RPTOR: variants seen among roughly 807,000 people sequenced by gnomAD.
RPTOR encodes the protein regulatory associated protein of MTOR complex 1, also known as regulatory-associated protein of mTOR.
In RPTOR, 21 loss-of-function variants were observed where a neutral mutation model predicts 169.9. The observed-to-expected ratio is 0.12, with a 90% CI of 0.09 to 0.18. RPTOR has a LOEUF of 0.18. Ranked by LOEUF, RPTOR falls within the 10% of genes least tolerant of loss-of-function variation. RPTOR has a pLI of 1.00. For synonymous variants in RPTOR, 732 were observed against 753.2 expected (o/e 0.97, Z 0.46); for missense variants, 1,133 against 1,855.9 (o/e 0.61, Z 7.16).
At chr17:80,832,370 G>A (rs1398409261) in intron 9 of RPTOR, among the ~76,000 whole-genome samples, 2 of 152,186 alleles carry the variant, frequency 1.3e-5, no homozygotes, top group African/African-American at 4.8e-5. Flanking sequence ...CGCGAGGAGT[G>A]GACGAGGCAG....
At chr17:80,796,840 G>C (rs1193901357) in intron 7 of RPTOR, among the ~76,000 whole-genome samples, 2 of 152,220 alleles carry the variant, frequency 1.3e-5, no homozygotes, top group African/African-American at 4.8e-5. Flanking sequence ...CAGTGTGACA[G>C]AGGTTAAATT....
intron 13 of RPTOR, among the ~76,000 whole-genome samples, chr17:80,879,562 G>T (rs1036755341): frequency 6.6e-6 from 1 of 151,976 alleles, no homozygotes; most frequent in Non-Finnish European, 1.5e-5. Flanking sequence ...GCGTAAAGAG[G>T]TCTCCAAAAA....
At chr17:80,631,482 C>T (rs989525894) in intron 2 of RPTOR, among the ~76,000 whole-genome samples, 5 of 152,134 alleles carry the variant, frequency 3.3e-5, no homozygotes, top group African/African-American at 9.7e-5. Flanking sequence ...CAGACCTGCG[C>T]TCTTCAAAGA....
rs1040949338 is a variant in RPTOR, at chr17:80,651,356, C to T, written c.348+7546C>T. Among the ~76,000 whole-genome samples the T allele has an allele frequency of 3.3e-4, 50 of 152,236 alleles. No individual in the cohort carries two copies. The highest frequency in any genetic ancestry group is 3.1e-3 in the Admixed American group (47 of 15,292). ...TGGAAAGTGCTGATCAAGGGGGAAA[C>T]GATCAATAACAGATTGGAGGGGGAC... is the stretch of plus-strand genomic sequence containing the variant. On this transcript the variant is annotated intron_variant, in intron 3 of 33. Transcript: ENST00000306801. The surrounding 1 kb of genome is among the most constrained non-coding windows in gnomAD (Gnocchi z 4.1).
At chr17:80,634,766 GTGCGTGTGTGTACTGTGTGCATGTGCA>G in intron 2 of RPTOR, among the ~76,000 whole-genome samples, 1 of 143,568 alleles carries the variant, frequency 7.0e-6, no homozygotes, top group African/African-American at 2.6e-5. Context: ...TGTGCGTACT[GTGCGTGTGTGTACTGTGTGCATGTGCA>G]TACTGTGTGT....
intron 1 of RPTOR, among the ~76,000 whole-genome samples, chr17:80,566,664 C>CA (rs1006918559): frequency 3.9e-4 from 57 of 146,228 alleles, no homozygotes; most frequent in East Asian, 1.2e-3. Context: ...ACTAAAAATA[C>CA]AAAAAAAAAA....
chr17:80,560,866 C>T (rs557769930), intron 1 of RPTOR, among the ~76,000 whole-genome samples: 277 of 151,980 alleles, frequency 1.8e-3, no homozygotes, highest in African/African-American at 6.2e-3. Flanking sequence ...GGGTGACTGG[C>T]GGTCAATAGG....
chr17:80,602,817 C>A, intron 1 of RPTOR: 2 of 664,298 alleles, frequency 3.0e-6, no homozygotes, highest in Non-Finnish European at 2.8e-6. Context: ...CTTCATGAAG[C>A]CCACTCCGTG....
At chr17:80,700,523 G>GTGGTGGTGATGA (rs2066079824) in intron 3 of RPTOR, among the ~76,000 whole-genome samples, 2 of 122,398 alleles carry the variant, frequency 1.6e-5, no homozygotes, top group Non-Finnish European at 3.5e-5. Flanking sequence ...GGTGATGGTG[G>GTGGTGGTGATGA]TGGTGGTGGT....
intron 7 of RPTOR, among the ~76,000 whole-genome samples, chr17:80,817,444 G>A (rs986235748): frequency 7.5e-5 from 11 of 146,096 alleles, no homozygotes; most frequent in South Asian, 4.5e-4. Context: ...GAGTGCAGAC[G>A]GAGCTGAAGG....
intron 6 of RPTOR, among the ~76,000 whole-genome samples, chr17:80,761,469 G>A (rs1046540465): frequency 2.0e-5 from 3 of 152,152 alleles, no homozygotes; most frequent in African/African-American, 7.2e-5. Flanking sequence ...TGCATTGCCC[G>A]CAGGAGACGG....
chr17:80,707,808 T>G lies in RPTOR; in HGVS notation c.349-33T>G. The G allele has an allele frequency of 6.2e-7, 1 of 1,600,316 alleles. No individual in the cohort carries two copies. Among genetic ancestry groups the G allele is most frequent in the Non-Finnish European group, 8.5e-7 (1 of 1,170,362 alleles). ...AGTTCCAAGCATTCCCTGGAGTCCG[T>G]GGTAAATTTCTTCATTTCTTCTCCT... On this transcript the variant is annotated intron_variant, in intron 3 of 33. Transcript: ENST00000306801. This position sits in a 1 kb window ranked among gnomAD's most constrained non-coding sequence, Gnocchi z 5.0.
chr17:80,577,239 A>G (rs1445653457), intron 1 of RPTOR, among the ~76,000 whole-genome samples: 1 of 152,094 alleles, frequency 6.6e-6, no homozygotes, highest in Non-Finnish European at 1.5e-5. Context: ...CGTGTTGGTC[A>G]GGCTAATCTT....
chr17:80,823,255 C>CT lies in RPTOR; in HGVS notation c.1136+33dup, dbSNP rs1327234048. ...GTTTCAGGATCCTCCAGGTGCCGTG[C>CT]TCCCCCGCCCTCCGTGGCACTGTGA... On this transcript the variant is annotated intron_variant, in intron 9 of 33. Coordinates refer to ENST00000306801, the MANE Select transcript of RPTOR (RefSeq NM_020761.3). The surrounding 1 kb of genome is among the most constrained non-coding windows in gnomAD (Gnocchi z 4.5). The CT allele has an allele frequency of 2.2e-5, 36 of 1,606,974 alleles. No individual in the cohort carries two copies. The highest frequency in any genetic ancestry group is 2.9e-5 in the Non-Finnish European group (34 of 1,175,096).
chr17:80,555,953 C>T (rs2143230212), intron 1 of RPTOR, among the ~76,000 whole-genome samples: 1 of 151,036 alleles, frequency 6.6e-6, no homozygotes, highest in East Asian at 1.9e-4. Flanking sequence ...GCCCTGGGGG[C>T]TGGGCGTGGT....
intron 7 of RPTOR, among the ~76,000 whole-genome samples, chr17:80,806,908 A>G (rs1237959416): frequency 1.3e-5 from 2 of 152,154 alleles, no homozygotes; most frequent in Non-Finnish European, 2.9e-5. Flanking sequence ...ACTTTAAATT[A>G]AAAACTCATT....
chr17:80,939,190 T>C (rs780212392), intron 24 of RPTOR, among the ~76,000 whole-genome samples: 2 of 152,362 alleles, frequency 1.3e-5, no homozygotes, highest in South Asian at 4.1e-4. Context: ...ATTAGCCAGA[T>C]TGACTGGACG....
At chr17:80,883,582 G>T (rs986362039) in intron 15 of RPTOR, 98 bp downstream of exon 15, 2 of 1,298,510 alleles carry the variant, frequency 1.5e-6, no homozygotes, top group African/African-American at 2.9e-5. Context: ...GGGACAGGGG[G>T]TGTCCAGCAG....
At chr17:80,774,954 G>A (rs1157552755) in intron 6 of RPTOR, among the ~76,000 whole-genome samples, 3 of 152,246 alleles carry the variant, frequency 2.0e-5, no homozygotes, top group African/African-American at 7.2e-5. Flanking sequence ...CCGCCTGTGC[G>A]TAGTCGTGCT....
Sources: allele counts gnomAD v4.1 joint callset (sites outside exome capture counted in the v4.1 genomes callset), GRCh38; gene constraint gnomAD v4.1.1; non-coding constraint Gnocchi (gnomAD v3.1); transcripts MANE v1.5; gene names NCBI Gene and HGNC (gene_info 2026-07-23, HGNC 2026-07-21).